The following PIK3CB variants were observed in gnomAD, a reference collection of about 807,000 sequenced individuals.
PIK3CB encodes the protein phosphatidylinositol-4,5-bisphosphate 3-kinase catalytic subunit beta.
Under a neutral mutation model 136.8 loss-of-function variants are expected in PIK3CB, and 39 were observed. The ratio of observed to expected loss-of-function variants is 0.29; its 90% CI spans 0.22 to 0.37. The LOEUF is 0.37. PIK3CB is among the 10% of genes least tolerant of loss of function. The pLI, the probability that PIK3CB is intolerant of heterozygous loss-of-function variation, is 1.00. For missense variants in PIK3CB, 868 were observed against 1,275.4 expected (o/e 0.68, Z 4.87); for synonymous variants, 428 against 436.6 (o/e 0.98, Z 0.25).
At chr3:138,815,222 T>C (rs35313194) in intron 1 of PIK3CB, among the ~76,000 whole-genome samples, 1 of 138,342 alleles carries the variant, frequency 7.2e-6, no homozygotes, top group Non-Finnish European at 1.5e-5. Flanking sequence ...TCTGGTGTGG[T>C]GGTGTATTCC....
At chr3:138,695,827 A>C (rs1474921314) in intron 13 of PIK3CB, among the ~76,000 whole-genome samples, 1 of 150,846 alleles carries the variant, frequency 6.6e-6, no homozygotes, top group African/African-American at 2.4e-5. Flanking sequence ...GCTCACTACA[A>C]CCTCTCCTTC....
intron 19 of PIK3CB, among the ~76,000 whole-genome samples, chr3:138,669,380 C>A (rs202013409): frequency 8.5e-6 from 1 of 118,136 alleles, no homozygotes. Context: ...TGCACTCCAG[C>A]TGGGGTGATA....
At chr3:138,741,607 T>C (rs1276638914) in intron 5 of PIK3CB, among the ~76,000 whole-genome samples, 1 of 152,144 alleles carries the variant, frequency 6.6e-6, no homozygotes, top group East Asian at 1.9e-4. Context: ...GGTGGGTGGA[T>C]CATCTGAGGT....
At chr3:138,800,581 T>A (rs902197580) in intron 1 of PIK3CB, among the ~76,000 whole-genome samples, 3 of 150,966 alleles carry the variant, frequency 2.0e-5, no homozygotes, top group African/African-American at 7.3e-5. Context: ...GCTCTGAAAG[T>A]GCTGGCATTA....
At chr3:138,750,240 C>A (rs193213185) in intron 4 of PIK3CB, among the ~76,000 whole-genome samples, 4,750 of 152,142 alleles carry the variant, frequency 0.031, 248 homozygotes, top group African/African-American at 0.11. Flanking sequence ...ATTAGCATAT[C>A]TATCACCTCA....
At chr3:138,679,576 TAA>T (rs753445757) in intron 19 of PIK3CB, among the ~76,000 whole-genome samples, 7 of 151,788 alleles carry the variant, frequency 4.6e-5, no homozygotes, top group Admixed American at 6.6e-5. Context: ...TTTTAAAAGT[TAA>T]GAGTTCTTTT....
rs139482752 is a variant in PIK3CB at position 138,821,647 on chromosome 3, T to C, written c.-122+13048A>G. Among the ~76,000 whole-genome samples the C allele has an allele frequency of 1.7e-3, 262 of 151,640 alleles. 1 individual carries two copies. Among genetic ancestry groups the C allele is most frequent in the African/African-American group, 6.2e-3 (257 of 41,338 alleles). ...TAAAAACACAAAAATTAGCTGGGAG[T>C]GGTGGCAGGCACCTGTAATTCCAGC... On this transcript the variant is annotated intron_variant, in intron 1 of 23. Coordinates refer to ENST00000674063, the MANE Select transcript of PIK3CB (RefSeq NM_006219.3).
intron 10 of PIK3CB, 189 bp from the exon 11 acceptor site, chr3:138,707,478 G>A: frequency 1.5e-6 from 2 of 1,332,750 alleles, no homozygotes; most frequent in Non-Finnish European, 1.9e-6. Flanking sequence ...GTGTGAGTTT[G>A]CATACATGTT....
chr3:138,762,164 G>A (rs1244701716), intron 2 of PIK3CB, among the ~76,000 whole-genome samples: 3 of 150,906 alleles, frequency 2.0e-5, no homozygotes, highest in South Asian at 2.1e-4. Flanking sequence ...CAGGAGAATC[G>A]CCTGAACCCA....
intron 5 of PIK3CB, among the ~76,000 whole-genome samples, chr3:138,740,070 G>GA (rs1239105543): frequency 6.6e-6 from 1 of 151,648 alleles, no homozygotes; most frequent in African/African-American, 2.4e-5. Flanking sequence ...AGAATTGTGA[G>GA]AAACAGGCCA....
At chr3:138,734,514 C>A in intron 7 of PIK3CB, 120 bp downstream of exon 7, 1 of 599,454 alleles carries the variant, frequency 1.7e-6, no homozygotes, top group Non-Finnish European at 2.7e-6. Flanking sequence ...CGATTTTTGG[C>A]AAATATGTAT....
intron 11 of PIK3CB, among the ~76,000 whole-genome samples, chr3:138,705,655 ATTATCTTAAG>A (rs1158490669): frequency 3.9e-5 from 6 of 152,212 alleles, no homozygotes; most frequent in African/African-American, 1.2e-4. Context: ...GTACAGGTAG[ATTATCTTAAG>A]TATTTATAAA....
intron 2 of PIK3CB, among the ~76,000 whole-genome samples, chr3:138,782,778 T>C (rs1010433838): frequency 6.6e-6 from 1 of 152,290 alleles, no homozygotes; most frequent in African/African-American, 2.4e-5. Flanking sequence ...AAGAAACCAT[T>C]TGAAAGAGAA....
At chr3:138,682,101 T>C in intron 18 of PIK3CB, 56 bp from the exon 19 acceptor site, 1 of 1,022,842 alleles carries the variant, frequency 9.8e-7, no homozygotes, top group Non-Finnish European at 1.5e-6. Context: ...GCCCTGTAAC[T>C]CATTAATTCA....
chr3:138,661,423 A>G (rs1054744395), intron 21 of PIK3CB, among the ~76,000 whole-genome samples: 4 of 152,170 alleles, frequency 2.6e-5, no homozygotes, highest in African/African-American at 9.7e-5. Context: ...CTGCTAAGTC[A>G]CTGCCACTTC....
intron 1 of PIK3CB, among the ~76,000 whole-genome samples, chr3:138,818,801 G>A (rs1021277716): frequency 6.6e-6 from 1 of 152,014 alleles, no homozygotes; most frequent in East Asian, 1.9e-4. Context: ...GAAACAAAAT[G>A]TATACATAAT....
intron 2 of PIK3CB, among the ~76,000 whole-genome samples, chr3:138,764,041 G>A (rs564623848): frequency 1.3e-5 from 2 of 151,638 alleles, no homozygotes; most frequent in African/African-American, 2.4e-5. Context: ...AACTCGGGAG[G>A]CGGAGGTTGC....
chr3:138,726,975 C>G (rs888556912), intron 8 of PIK3CB, among the ~76,000 whole-genome samples: 7 of 151,896 alleles, frequency 4.6e-5, no homozygotes, highest in African/African-American at 1.7e-4. Context: ...ATCTTGAACC[C>G]AGGAAGTCAA....
In PIK3CB at chr3:138,664,008, A is replaced by G; in HGVS notation, c.2694T>C (p.Ile898=). The G allele has an allele frequency of 6.8e-6, 11 of 1,613,806 alleles. No individual in the cohort carries two copies. The highest frequency in any genetic ancestry group is 2.2e-5 in the East Asian group (1 of 44,876). ...YNSGDDLDRA[I]EEFTLSCAGY... ...CAGCACAGGACAGTGTAAATTCCTC[A>G]ATGGCTCGGTCCAGGTCATCCCTGA... Residue 898 remains isoleucine (I), a synonymous_variant, in exon 21 of 24, where the codon ATT becomes ATC. Transcript: ENST00000674063.
Sources: allele counts gnomAD v4.1 joint callset (sites outside exome capture counted in the v4.1 genomes callset), GRCh38; gene constraint gnomAD v4.1.1; transcripts MANE v1.5; gene names NCBI Gene and HGNC (gene_info 2026-07-23, HGNC 2026-07-21).